The following PLA2G5 variants were observed in gnomAD, a reference collection of about 807,000 sequenced individuals.
PLA2G5 encodes Ca2+-dependent phospholipase A2.
PLA2G5 carries 12 observed loss-of-function variants against 15.9 expected under a neutral mutation model. The observed-to-expected ratio is 0.76, with a 90% CI of 0.48 to 1.23. The LOEUF is 1.23. Among genes scored for constraint, PLA2G5 ranks in the 50% most tolerant of loss-of-function variants. The pLI, the probability that PLA2G5 is intolerant of heterozygous loss-of-function variation, is 0.00. For synonymous variants in PLA2G5, 71 were observed against 71.4 expected, an observed-to-expected ratio of 0.99 and a Z score of 0.03; for missense variants, 169 against 177.1, an observed-to-expected ratio of 0.95 and a Z score of 0.26.
chr1:20,083,669 T>C (rs1237130070), intron 1 of PLA2G5, among the ~76,000 whole-genome samples: 4 of 151,806 alleles, frequency 2.6e-5, no homozygotes, highest in Admixed American at 1.3e-4. Flanking sequence ...GGCTCTGGCC[T>C]GAGAGGTAGA....
At chr1:20,048,280 A>G (rs1005067702) in intron 1 of PLA2G5, among the ~76,000 whole-genome samples, 3 of 152,162 alleles carry the variant, frequency 2.0e-5, no homozygotes, top group Admixed American at 6.6e-5. Flanking sequence ...GTAAAGTATA[A>G]TAATATTAGA....
intron 1 of PLA2G5, among the ~76,000 whole-genome samples, chr1:20,028,938 A>G (rs570778296): frequency 6.6e-6 from 1 of 152,110 alleles, no homozygotes; most frequent in Admixed American, 6.5e-5. Context: ...TGGGGCTCTG[A>G]CCCCACGACA....
chr1:20,030,144 A>G (rs2012839704), intron 1 of PLA2G5, among the ~76,000 whole-genome samples: 1 of 152,128 alleles, frequency 6.6e-6, no homozygotes, highest in African/African-American at 2.4e-5. Flanking sequence ...GACCCAGGGG[A>G]CCAGCGCTTA....
At position 20,084,818 on chromosome 1, in the gene PLA2G5, C is replaced by A; in HGVS notation, c.-10-3C>A. 6.2e-7 allele frequency: 1 copy of A among 1,604,224 alleles called. No individual in the cohort carries two copies. The highest frequency in any genetic ancestry group is 8.5e-7 in the Non-Finnish European group (1 of 1,171,216). ...CTGTTGTGGGATGTGTTTTTTTTTCCAGAACCCCAGAGATGAAAGGCCTCC... is the reference window on the plus strand; with the variant it reads ...CTGTTGTGGGATGTGTTTTTTTTTCAAGAACCCCAGAGATGAAAGGCCTCC... On this transcript the variant is annotated splice_region_variant and splice_polypyrimidine_tract_variant and intron_variant, in intron 1 of 4. Transcript: ENST00000375108.
intron 1 of PLA2G5, among the ~76,000 whole-genome samples, chr1:20,034,235 G>T (rs1188894369): frequency 6.6e-6 from 1 of 152,156 alleles, no homozygotes; most frequent in Non-Finnish European, 1.5e-5. Context: ...CTTGGTGAAG[G>T]CCTGTTCGAA....
chr1:20,081,191 C>A (rs1273318821), intron 1 of PLA2G5, among the ~76,000 whole-genome samples: 1 of 151,762 alleles, frequency 6.6e-6, no homozygotes, highest in Non-Finnish European at 1.5e-5. Context: ...CGGCTATGCG[C>A]TTCCTCTCTG....
At chr1:20,030,553 A>G (rs781543270) in intron 1 of PLA2G5, among the ~76,000 whole-genome samples, 1 of 151,544 alleles carries the variant, frequency 6.6e-6, no homozygotes, top group Admixed American at 6.6e-5. Context: ...TCAATTGCAA[A>G]GAGGCCTTCC....
intron 1 of PLA2G5, among the ~76,000 whole-genome samples, chr1:20,077,784 T>G (rs2015769153): frequency 6.6e-6 from 1 of 152,172 alleles, no homozygotes; most frequent in African/African-American, 2.4e-5. Flanking sequence ...GAGACACAGA[T>G]TTGAACACAC....
intron 3 of PLA2G5, among the ~76,000 whole-genome samples, chr1:20,089,313 T>C (rs899562906): frequency 6.6e-6 from 1 of 152,228 alleles, no homozygotes; most frequent in African/African-American, 2.4e-5. Context: ...AGTTTATTTC[T>C]GGATCACATA....
intron 1 of PLA2G5, among the ~76,000 whole-genome samples, chr1:20,048,514 A>G (rs183606541): frequency 6.6e-5 from 10 of 152,352 alleles, no homozygotes; most frequent in Non-Finnish European, 1.5e-5. Flanking sequence ...TAGTAAGATT[A>G]CCATAACTTC....
intron 1 of PLA2G5, among the ~76,000 whole-genome samples, chr1:20,079,956 G>A (rs1481709489): frequency 6.6e-6 from 1 of 152,128 alleles, no homozygotes; most frequent in South Asian, 2.1e-4. Context: ...GGCATCTCCC[G>A]AGTCACCCCA....
In PLA2G5 at chr1:20,089,731, G is replaced by C. The variant is rs1055741620; in HGVS notation, c.186-58G>C. 1.3e-5 allele frequency: 18 copies of C among 1,402,630 alleles called. No individual in the cohort carries two copies. In the Admixed American group the frequency reaches 1.5e-4, roughly 12 times the overall value. 86.9% of individuals were successfully genotyped at this position (1,402,630 alleles called of 1,614,324 possible). A position where few individuals can be genotyped will look rare whatever the true frequency, so the allele number is the denominator to read the frequency against. ...CATGGTTGAATTTTTGCTCCTATTA[G>C]GGATGGGGTCAGGAGGGCACCCCTC... On this transcript the variant is annotated intron_variant, in intron 3 of 4. Coordinates refer to ENST00000375108, the MANE Select transcript of PLA2G5 (RefSeq NM_000929.3).
At chr1:20,065,696 T>C (rs767472624), upstream of PLA2G5, among the ~76,000 whole-genome samples, 38 of 152,234 alleles carry the variant, frequency 2.5e-4, no homozygotes, top group Non-Finnish European at 5.0e-4. Flanking sequence ...ACTCTTTTGG[T>C]TGCATCCATT....
chr1:20,073,744 G>T (rs571744420), intron 1 of PLA2G5, among the ~76,000 whole-genome samples: 1 of 151,922 alleles, frequency 6.6e-6, no homozygotes, highest in South Asian at 2.1e-4. Context: ...TTAGCCCAGC[G>T]TGGTAATCCC....
Position 20,082,623 on chromosome 1 carries a change from T to C in PLA2G5, c.-10-2198T>C, listed in dbSNP as rs531495410. On this transcript the variant is annotated intron_variant, in intron 1 of 4. Transcript: ENST00000375108. ...TAATAATTTCCTGCCCATCACCTGA[T>C]GGTTGCCTGACATTCCTGCCCTGCT... 1.4e-3 allele frequency among the ~76,000 whole-genome samples: 218 copies of C among 152,014 alleles called. 6 individuals carry two copies. Among genetic ancestry groups the C allele is most frequent in the African/African-American group, 4.9e-3 (201 of 41,276 alleles).
intron 1 of PLA2G5, among the ~76,000 whole-genome samples, chr1:20,057,608 C>A (rs1029726047): frequency 6.6e-6 from 1 of 152,202 alleles, no homozygotes; most frequent in Non-Finnish European, 1.5e-5. Context: ...AAGCGATTCT[C>A]CTGCCTCAGC....
rs200355236 is a variant in PLA2G5 at position 20,089,828 on chromosome 1, G to A, written c.225G>A (p.Glu75=). The A allele has an allele frequency of 1.7e-5, 28 of 1,613,966 alleles. No individual in the cohort carries two copies. Among genetic ancestry groups the A allele is most frequent in the Middle Eastern group, 3.3e-4 (2 of 6,084 alleles). ...WAHDHCYGRL[E]EKGCNIRTQS... ...ATGACCACTGCTATGGGCGGCTGGA[G>A]GAGAAGGGCTGCAACATTCGCACAC... The change falls in exon 4 of 5, where the codon GAG becomes GAA. Residue 75 remains glutamate (E), a synonymous_variant. Transcript: ENST00000375108.
At chr1:20,073,198 G>A (rs1012873854) in intron 1 of PLA2G5, among the ~76,000 whole-genome samples, 5 of 152,300 alleles carry the variant, frequency 3.3e-5, no homozygotes, top group African/African-American at 1.2e-4. Context: ...AGAGTGGAGA[G>A]CATTTTAGGT....
chr1:20,087,748 G>A (rs1184563065), intron 3 of PLA2G5, among the ~76,000 whole-genome samples: 1 of 152,022 alleles, frequency 6.6e-6, no homozygotes, highest in Non-Finnish European at 1.5e-5. Flanking sequence ...GGAAATATAC[G>A]AGATGAGCCT....
Sources: gnomAD v4.1 joint callset for allele counts (sites outside exome capture counted in the v4.1 genomes callset) on GRCh38, gnomAD v4.1.1 for gene constraint, MANE v1.5 for transcripts, NCBI Gene and HGNC (gene_info 2026-07-23, HGNC 2026-07-21) for gene names.